Variants in NSUN6 observed in about 807,000 individuals in gnomAD.
The protein encoded by NSUN6 is NOP2/Sun RNA methyltransferase 6.
A neutral mutation model predicts 58.0 loss-of-function variants in NSUN6; 64 were observed. The ratio of observed to expected loss-of-function variants is 1.10; its 90% CI spans 0.90 to 1.36. NSUN6 has a LOEUF of 1.36. Among genes scored for constraint, NSUN6 ranks in the 40% most tolerant of loss-of-function variants. The pLI is 0.00. For synonymous variants in NSUN6, 231 were observed against 193.9 expected (o/e 1.19, Z -1.59); for missense variants, 701 against 550.1 (o/e 1.27, Z -2.74).
rs1564695747 is a variant in NSUN6 at position 18,548,113 on chromosome 10, T to C, written c.1196A>G (p.Gln399Arg). The change falls in exon 10 of 11, where the codon CAG becomes CGG. Residue 399 changes from glutamine to arginine, a missense_variant and splice_region_variant. Coordinates refer to ENST00000377304, the MANE Select transcript of NSUN6 (RefSeq NM_182543.5). ...TKFPCLQLQPQEPQIGGEGMR... is the reference protein window; with the variant it reads ...TKFPCLQLQPREPQIGGEGMR... ...AGAGAAAAATGAAATTACTCCTACC[T>C]GGGGCTGAAGCTGAAGGCAAGGAAA... 19 of 1,613,684 alleles carry C rather than the reference T, an allele frequency of 1.2e-5. No homozygotes were observed. The highest frequency in any genetic ancestry group is 2.2e-5 in the East Asian group (1 of 44,830).
intron 3 of NSUN6, among the ~76,000 whole-genome samples, chr10:18,616,752 T>C (rs1243552301): frequency 6.6e-6 from 1 of 152,176 alleles, no homozygotes; most frequent in Non-Finnish European, 1.5e-5. Context: ...CCCAACCTTT[T>C]TGAGTCTTTT....
intron 8 of NSUN6, among the ~76,000 whole-genome samples, chr10:18,571,472 CTCCATTCCATTCCCTTCCCCTT>C (rs1283738658): frequency 2.0e-5 from 3 of 150,206 alleles, no homozygotes; most frequent in Non-Finnish European, 4.5e-5. Context: ...CCAATCCATT[CTCCATTCCATTCCCTTCCCCTT>C]TCCATTCCAT....
At chr10:18,593,891 G>A (rs1268343216) in intron 7 of NSUN6, among the ~76,000 whole-genome samples, 6 of 149,482 alleles carry the variant, frequency 4.0e-5, no homozygotes, top group African/African-American at 7.4e-5. Flanking sequence ...AAAAAAAAAA[G>A]GGCCAAAATT....
chr10:18,550,089 TTCTC>T (rs1298912486), intron 9 of NSUN6, among the ~76,000 whole-genome samples: 1 of 152,244 alleles, frequency 6.6e-6, no homozygotes, highest in Non-Finnish European at 1.5e-5. Flanking sequence ...TATATTCTAG[TTCTC>T]TCTGATATAC....
chr10:18,586,033 A>C lies in NSUN6; in HGVS notation c.838T>G (p.Leu280Val), dbSNP rs2057121049. ...NKVEKIKQNA[L>V]LLGLNSIRAF... ...CTGATGGAATTCAGCCCTAACAATAAGGCATTCTGTTTGATTTTTTCTACT... is the reference window on the plus strand; with the variant it reads ...CTGATGGAATTCAGCCCTAACAATACGGCATTCTGTTTGATTTTTTCTACT... The change falls in exon 8 of 11, where the codon TTA becomes GTA. Residue 280 changes from leucine (L) to valine (V), a missense_variant. Transcript: ENST00000377304. 3 of 1,611,214 alleles carry C rather than the reference A, an allele frequency of 1.9e-6. No homozygotes were observed. Among genetic ancestry groups the C allele is most frequent in the South Asian group, 1.1e-5 (1 of 90,482 alleles).
chr10:18,607,805 TGCA>T (rs1284891966), intron 6 of NSUN6, among the ~76,000 whole-genome samples: 1 of 152,220 alleles, frequency 6.6e-6, no homozygotes, highest in African/African-American at 2.4e-5. Context: ...TTTTTACCTA[TGCA>T]GCACACAACA....
intron 3 of NSUN6, among the ~76,000 whole-genome samples, chr10:18,634,592 A>G (rs2059149311): frequency 7.0e-6 from 1 of 143,266 alleles, no homozygotes; most frequent in Admixed American, 7.4e-5. Context: ...TCTACTAAAA[A>G]AAATACAAAA....
At chr10:18,611,224 C>T (rs935106871) in intron 5 of NSUN6, among the ~76,000 whole-genome samples, 2 of 151,946 alleles carry the variant, frequency 1.3e-5, no homozygotes, top group African/African-American at 4.8e-5. Flanking sequence ...TTTTAAAAAT[C>T]ATAACTTATA....
intron 8 of NSUN6, among the ~76,000 whole-genome samples, chr10:18,564,409 C>T (rs1469267354): frequency 3.3e-5 from 5 of 150,316 alleles, no homozygotes; most frequent in Admixed American, 2.7e-4. Flanking sequence ...CACTCCATTC[C>T]ATTCCATTCT....
intron 8 of NSUN6, among the ~76,000 whole-genome samples, chr10:18,554,949 T>TG (rs1436825018): frequency 2.9e-4 from 42 of 146,484 alleles, no homozygotes; most frequent in Admixed American, 6.2e-4. Flanking sequence ...TGGAATGGAA[T>TG]GAAATGAAAT....
chr10:18,575,501 T>C (rs530483332), intron 8 of NSUN6, among the ~76,000 whole-genome samples: 44 of 152,274 alleles, frequency 2.9e-4, no homozygotes, highest in African/African-American at 9.4e-4. Context: ...ATAGAGAACA[T>C]TGATTCAGAC....
intron 8 of NSUN6, among the ~76,000 whole-genome samples, chr10:18,553,222 T>C (rs977680378): frequency 3.3e-5 from 5 of 151,746 alleles, no homozygotes; most frequent in African/African-American, 1.2e-4. Context: ...TTCCATTCCA[T>C]GCTCCATTCG....
chr10:18,652,357 CAGCACACCATGGTAATTTACACATA>C, upstream of NSUN6: 1 of 982,586 alleles, frequency 1.0e-6, no homozygotes, highest in Non-Finnish European at 1.2e-6. Context: ...ATGTTTTTTG[CAGCACACCATGGTAATTTACACATA>C]AGTATAGGAA....
chr10:18,614,973 A>G (rs1016888642), intron 4 of NSUN6, among the ~76,000 whole-genome samples: 5 of 152,108 alleles, frequency 3.3e-5, no homozygotes, highest in Non-Finnish European at 7.4e-5. Context: ...TTTCCTTCAA[A>G]AGGACTGTTC....
At chr10:18,580,137 C>T (rs955627077) in intron 8 of NSUN6, among the ~76,000 whole-genome samples, 3 of 152,118 alleles carry the variant, frequency 2.0e-5, no homozygotes, top group Non-Finnish European at 4.4e-5. Flanking sequence ...CAGACGCTCT[C>T]GCCAGCGGCA....
intron 7 of NSUN6, among the ~76,000 whole-genome samples, chr10:18,592,072 A>C (rs2057398813): frequency 1.3e-5 from 2 of 152,186 alleles, no homozygotes; most frequent in African/African-American, 4.8e-5. Flanking sequence ...CCTTTACACC[A>C]ACAACAGACA....
At chr10:18,649,118 G>T (rs937949037) in intron 1 of NSUN6, among the ~76,000 whole-genome samples, 2 of 152,032 alleles carry the variant, frequency 1.3e-5, no homozygotes, top group Non-Finnish European at 2.9e-5. Flanking sequence ...AAGTAATATT[G>T]ATATAGTCAC....
At chr10:18,557,333 G>C (rs541661473) in intron 8 of NSUN6, among the ~76,000 whole-genome samples, 196 of 151,496 alleles carry the variant, frequency 1.3e-3, no homozygotes, top group Middle Eastern at 3.4e-3. Flanking sequence ...GAATGCAGTG[G>C]TGAACAGAAT....
At chr10:18,585,277 A>G (rs74868477) in intron 8 of NSUN6, among the ~76,000 whole-genome samples, 7,370 of 152,276 alleles carry the variant, frequency 0.048, 273 homozygotes, top group Non-Finnish European at 0.077. Context: ...AAAAGTAAAT[A>G]GAACTACCAA....
Sources: gnomAD v4.1 joint callset for allele counts (sites outside exome capture counted in the v4.1 genomes callset) on GRCh38, gnomAD v4.1.1 for gene constraint, MANE v1.5 for transcripts, NCBI Gene and HGNC (gene_info 2026-07-23, HGNC 2026-07-21) for gene names.